ASH2L: variants seen among roughly 807,000 people sequenced by gnomAD.
The protein encoded by ASH2L is ASH2 like, histone lysine methyltransferase complex subunit.
In ASH2L, 30 loss-of-function variants were observed where a neutral mutation model predicts 81.1. The ratio of observed to expected loss-of-function variants is 0.37; its 90% CI spans 0.28 to 0.50. The LOEUF (loss-of-function observed/expected upper bound fraction) is 0.50, where lower values mean the gene tolerates loss of function less well. Among genes scored for constraint, ASH2L ranks in the 20% least tolerant of loss-of-function variants. The pLI, the probability that ASH2L is intolerant of heterozygous loss-of-function variation, is 0.95. For missense variants in ASH2L, 559 were observed against 792.1 expected, an observed-to-expected ratio of 0.71 and a Z score of 3.53; for synonymous variants, 273 against 279.9, an observed-to-expected ratio of 0.98 and a Z score of 0.24.
intron 3 of ASH2L, among the ~76,000 whole-genome samples, chr8:38,107,800 A>G (rs1810506752): frequency 6.6e-6 from 1 of 152,078 alleles, no homozygotes; most frequent in South Asian, 2.1e-4. Flanking sequence ...ATAAAAGACT[A>G]TCTAAACATA....
chr8:38,139,206 G>A lies in ASH2L; in HGVS notation c.*135G>A. On this transcript the variant is annotated 3_prime_UTR_variant, in exon 16 of 16. Coordinates refer to ENST00000343823, the MANE Select transcript of ASH2L (RefSeq NM_004674.5). ...TCCTTTTAGCAAGTTAAAAGGCTGG[G>A]TAGGACTGCGGGAGACTGCCTGCCT... 2 of 699,974 alleles carry A rather than the reference G, an allele frequency of 2.9e-6. No individual in the cohort carries two copies. The highest frequency in any genetic ancestry group is 5.5e-5 in the East Asian group (2 of 36,290). 43.4% of individuals were successfully genotyped at this position (699,974 alleles called of 1,614,324 possible).
chr8:38,111,563 G>GT (rs144254651), intron 5 of ASH2L, among the ~76,000 whole-genome samples: 2,285 of 151,404 alleles, frequency 0.015, 56 homozygotes, highest in African/African-American at 0.053. Flanking sequence ...AGTTTTTATG[G>GT]TTTTTTTAGA....
intron 10 of ASH2L, among the ~76,000 whole-genome samples, chr8:38,125,505 G>A (rs1318107171): frequency 6.6e-6 from 1 of 151,894 alleles, no homozygotes; most frequent in African/African-American, 2.4e-5. Context: ...CTACTCGGGA[G>A]GCTAAGACAG....
chr8:38,108,478 T>C (rs1340138789), intron 3 of ASH2L, among the ~76,000 whole-genome samples: 1 of 150,498 alleles, frequency 6.6e-6, no homozygotes, highest in Non-Finnish European at 1.5e-5. Context: ...TCAAAAGTTA[T>C]ATCTAAAGTC....
At position 38,133,494 on chromosome 8, in the gene ASH2L, AAG is replaced by A; in HGVS notation, c.1570_1571del (p.Asp524LeufsTer4). The A allele has an allele frequency of 6.2e-7, 1 of 1,611,126 alleles. No individual in the cohort carries two copies. Among genetic ancestry groups the A allele is most frequent in the Non-Finnish European group, 8.5e-7 (1 of 1,179,802 alleles). On this transcript the variant is annotated frameshift_variant, in exon 13 of 16. Transcript: ENST00000343823. LOFTEE classifies it high-confidence loss of function. ...AAGAGTTATTTGTATTTTGAGGAAA[AAG>A]ACTTTGTGGATAAAGCAGAGAAGAG...
chr8:38,116,552 A>G (rs1390600681), intron 7 of ASH2L, 98 bp from the exon 8 acceptor site: 1 of 966,192 alleles, frequency 1.0e-6, no homozygotes, highest in Non-Finnish European at 1.6e-6. Flanking sequence ...AGAATTGTCA[A>G]TTTTAGTTCC....
At chr8:38,134,620 G>A (rs1281178856) in intron 13 of ASH2L, among the ~76,000 whole-genome samples, 1 of 152,136 alleles carries the variant, frequency 6.6e-6, no homozygotes, top group Non-Finnish European at 1.5e-5. Context: ...AAATAAAAAG[G>A]GAAGTGGGAT....
chr8:38,133,373 C>A, intron 12 of ASH2L, 81 bp from the exon 13 acceptor site: 1 of 919,628 alleles, frequency 1.1e-6, no homozygotes, highest in Non-Finnish European at 1.7e-6. Flanking sequence ...GGGGTTAACA[C>A]TATTTGTGTG....
rs1317841966 is a variant in ASH2L, at chr8:38,135,654, G to A, written c.1621-14G>A. ...TTTTACAGTTCTGAAGTAAAACCAT[G>A]GTTTTTGTTTCAGATAATATTTTAT... On this transcript the variant is annotated splice_polypyrimidine_tract_variant and intron_variant, in intron 13 of 15. Transcript: ENST00000343823. The A allele has an allele frequency of 6.4e-7, 1 of 1,568,484 alleles. No homozygotes were observed. The highest frequency in any genetic ancestry group is 2.2e-5 in the East Asian group (1 of 44,622).
chr8:38,112,152 G>A (rs117920580), intron 5 of ASH2L, among the ~76,000 whole-genome samples: 2 of 152,168 alleles, frequency 1.3e-5, no homozygotes, highest in African/African-American at 2.4e-5. Flanking sequence ...GATTCCAGGC[G>A]CATGCTACCA....
chr8:38,106,368 T>G lies in ASH2L; in HGVS notation c.189-10T>G. Reference sequence around the variant, plus strand: ...AGAATTCTTACTTGAGCGCTTTCATTATCTTATAGGGAGGCAAACTTGGTC... The same window carrying G: ...AGAATTCTTACTTGAGCGCTTTCATGATCTTATAGGGAGGCAAACTTGGTC... On this transcript the variant is annotated splice_polypyrimidine_tract_variant and intron_variant, in intron 1 of 15. Transcript: ENST00000343823. 6.3e-7 allele frequency: 1 copy of G among 1,583,436 alleles called. No individual in the cohort carries two copies. The highest frequency in any genetic ancestry group is 2.2e-5 in the East Asian group (1 of 44,880).
At chr8:38,109,679 C>T (rs953851641) in intron 3 of ASH2L, among the ~76,000 whole-genome samples, 26 of 152,168 alleles carry the variant, frequency 1.7e-4, no homozygotes, top group Admixed American at 1.4e-3. Flanking sequence ...TCAGGTGATC[C>T]ATGCGCCTTG....
Position 38,119,331 on chromosome 8 carries a change from A to G in ASH2L, c.915A>G (p.Gly305=). The change falls in exon 9 of 16, where the codon GGA becomes GGG. Residue 305 remains glycine, a synonymous_variant. Transcript: ENST00000343823. The part of the protein sequence containing the change: ...GRGAKRKQQD[G]GTTGTTKKAR... The stretch of plus-strand genomic sequence containing the variant: ...GAGCCAAGCGCAAACAGCAGGATGG[A>G]GGGACCACAGGGACCACCAAGAAGG... 6.5e-7 allele frequency: 1 copy of G among 1,546,714 alleles called. No individual in the cohort carries two copies. The highest frequency in any genetic ancestry group is 8.7e-7 in the Non-Finnish European group (1 of 1,145,368).
Position 38,135,723 on chromosome 8 carries a change from AG to A in ASH2L, c.1681del (p.Val561PhefsTer34). ...NQGVAYKDIF[E>X]GVYFPAISLY... Reference sequence around the variant, plus strand: ...GGTGTGGCTTACAAAGATATTTTTGAGGGGGTTTACTTCCCAGCCATCTCAC... The same window carrying A: ...GGTGTGGCTTACAAAGATATTTTTGAGGGGTTTACTTCCCAGCCATCTCAC... On this transcript the variant is annotated frameshift_variant, in exon 14 of 16. Coordinates refer to ENST00000343823, the MANE Select transcript of ASH2L (RefSeq NM_004674.5). LOFTEE classifies it high-confidence loss of function. The A allele has an allele frequency of 6.2e-7, 1 of 1,613,172 alleles. No individual in the cohort carries two copies.
intron 1 of ASH2L, 41 bp from the exon 2 acceptor site, chr8:38,106,337 G>A (rs758041305): frequency 6.3e-7 from 1 of 1,590,448 alleles, no homozygotes; most frequent in East Asian, 2.2e-5. Context: ...TTTGAGGTTT[G>A]TCTTGAGAAT....
Position 38,105,594 on chromosome 8 carries a change from G to C in ASH2L, c.44G>C (p.Gly15Ala). 2 of 1,596,530 alleles carry C rather than the reference G, an allele frequency of 1.3e-6. No individual in the cohort carries two copies. Among genetic ancestry groups the C allele is most frequent in the Non-Finnish European group, 1.7e-6 (2 of 1,171,062 alleles). The change falls in exon 1 of 16, where the codon GGG becomes GCG. Residue 15 changes from glycine (G) to alanine (A), a missense_variant. Gly to Ala is a moderately conservative substitution (Grantham distance 60). Transcript: ENST00000343823. ...GAGPGQEAGA[G>A]PGPGAVANAT... ...GGACCTGGCCAGGAAGCGGGTGCCG[G>C]GCCTGGCCCAGGAGCGGTCGCAAAT...
chr8:38,105,612 T>C lies in ASH2L; in HGVS notation c.62T>C (p.Val21Ala), dbSNP rs1277451961. 3.1e-6 allele frequency: 5 copies of C among 1,602,850 alleles called. No individual in the cohort carries two copies. The highest frequency in any genetic ancestry group is 4.3e-6 in the Non-Finnish European group (5 of 1,175,466). The change falls in exon 1 of 16, where the codon GTC (valine) becomes GCC (alanine). Residue 21 changes from valine to alanine, a missense_variant. Around this residue, in one of 4 missense-constraint regions of ASH2L, gnomAD observed 145 missense variants for 115.5 expected, o/e 1.26. Transcript: ENST00000343823. The stretch of plus-strand genomic sequence containing the variant: ...GGTGCCGGGCCTGGCCCAGGAGCGG[T>C]CGCAAATGCAACAGGGGCAGAAGAG... ...EAGAGPGPGA[V>A]ANATGAEEGE... is the part of the protein sequence containing the mutation.
rs1453056393 is a variant in ASH2L, at chr8:38,114,972, A to T, written c.749A>T (p.Asp250Val). 6.2e-7 allele frequency: 1 copy of T among 1,612,510 alleles called. No individual in the cohort carries two copies. The highest frequency in any genetic ancestry group is 1.1e-5 in the South Asian group (1 of 91,048). Residue 250 changes from aspartate to valine, a missense_variant, in exon 7 of 16, where the codon GAT becomes GTT. By Grantham distance (152) the Asp-to-Val change is radical. Transcript: ENST00000343823. The part of the protein sequence containing the change: ...PDPGSKDPEE[D>V]YPKFGLLDQD... ...CCAGGCAGTAAAGATCCAGAAGAAG[A>T]TTACCCCAAATTTGGACTTTTGGAT...
rs199818028 is a variant in ASH2L at position 38,110,809 on chromosome 8, G to T, written c.561G>T (p.Pro187=). 6.9e-5 allele frequency: 112 copies of T among 1,613,582 alleles called. No individual in the cohort carries two copies. The highest frequency in any genetic ancestry group is 9.4e-5 in the Non-Finnish European group (111 of 1,179,880). The change falls in exon 5 of 16, where the codon CCG becomes CCT. Residue 187 remains proline, a synonymous_variant. Transcript: ENST00000343823. ...TWQSRTQDEH[P]KTMFSKDKDI... ...AGTCCCGAACACAGGATGAACATCCGAAGACAATGTTCTCCAAAGATAAGG... is the reference window on the plus strand; with the variant it reads ...AGTCCCGAACACAGGATGAACATCCTAAGACAATGTTCTCCAAAGATAAGG...
Sources: allele counts gnomAD v4.1 joint callset (sites outside exome capture counted in the v4.1 genomes callset), GRCh38; gene constraint gnomAD v4.1.1; regional missense constraint gnomAD v4.1.1; transcripts MANE v1.5; gene names NCBI Gene and HGNC (gene_info 2026-07-23, HGNC 2026-07-21).